Variants in DNAAF4 observed in about 807,000 individuals in gnomAD.
DNAAF4 encodes the protein dynein axonemal assembly factor 4.
A neutral mutation model predicts 51.8 loss-of-function variants in DNAAF4; 43 were observed. The ratio of observed to expected loss-of-function variants is 0.83; its 90% CI spans 0.65 to 1.07. The LOEUF (loss-of-function observed/expected upper bound fraction) is 1.07. DNAAF4 is among the 50% of genes least tolerant of loss of function. The pLI is 0.00. For synonymous variants in DNAAF4, 194 were observed against 165.6 expected (o/e 1.17, Z -1.32); for missense variants, 581 against 493.0 (o/e 1.18, Z -1.69).
intron 4 of DNAAF4, among the ~76,000 whole-genome samples, chr15:55,475,450 C>G (rs2058323268): frequency 6.6e-6 from 1 of 152,156 alleles, no homozygotes; most frequent in Admixed American, 6.6e-5. Context: ...AAAACCCCCT[C>G]CCAGCTAGGA....
At chr15:55,453,612 G>A (rs2057970984) in intron 5 of DNAAF4, among the ~76,000 whole-genome samples, 1 of 147,114 alleles carries the variant, frequency 6.8e-6, no homozygotes, top group Admixed American at 6.9e-5. Flanking sequence ...GTGTAGTGGC[G>A]CGATCTCGGC....
At chr15:55,440,203 C>T (rs1343657221) in intron 6 of DNAAF4, among the ~76,000 whole-genome samples, 3 of 151,550 alleles carry the variant, frequency 2.0e-5, no homozygotes, top group Non-Finnish European at 2.9e-5. Flanking sequence ...CAGGCGTGTG[C>T]CACCATGCCT....
chr15:55,465,553 A>G (rs990482131), intron 5 of DNAAF4, among the ~76,000 whole-genome samples: 1 of 149,554 alleles, frequency 6.7e-6, no homozygotes, highest in African/African-American at 2.5e-5. Flanking sequence ...ACCAAATACC[A>G]TATGTTCTCA....
At chr15:55,466,405 T>C (rs955083706) in intron 5 of DNAAF4, among the ~76,000 whole-genome samples, 1 of 152,090 alleles carries the variant, frequency 6.6e-6, no homozygotes, top group Non-Finnish European at 1.5e-5. Context: ...GCCTGGGCGA[T>C]AGGGCCAGAC....
chr15:55,470,226 A>G (rs1045093846), intron 4 of DNAAF4, among the ~76,000 whole-genome samples: 1 of 151,578 alleles, frequency 6.6e-6, no homozygotes, highest in Admixed American at 6.6e-5. Flanking sequence ...TAATTTTTGT[A>G]TTTTTAGTAG....
intron 5 of DNAAF4, among the ~76,000 whole-genome samples, chr15:55,464,568 A>C (rs140366749): frequency 2.8e-3 from 433 of 152,340 alleles, no homozygotes; most frequent in Non-Finnish European, 4.9e-3. Flanking sequence ...ACGAAGGACT[A>C]ATATCCACAA....
intron 5 of DNAAF4, among the ~76,000 whole-genome samples, chr15:55,463,177 C>CAA (rs1181700451): frequency 1.0e-4 from 13 of 130,092 alleles, no homozygotes; most frequent in South Asian, 8.9e-4. Flanking sequence ...CTGTCTCACA[C>CAA]ACACACACAC....
rs79964530 is a variant in DNAAF4 at position 55,498,911 on chromosome 15, C to CA, written c.-255-328dup. 0.17 allele frequency among the ~76,000 whole-genome samples: 17,257 copies of CA among 104,400 alleles called. 1,369 individuals are homozygous for CA. The highest frequency in any genetic ancestry group is 0.26 in the Admixed American group (2,523 of 9,546). 68.5% of individuals were successfully genotyped at this position (104,400 alleles called of 152,430 possible). On this transcript the variant is annotated intron_variant, in intron 1 of 9. Transcript: ENST00000321149. ...GGGAAACAAGAGCGAAACTCCGTCT[C>CA]AAAAAAAAAAAAAGAAAAGAAAAAG...
downstream of DNAAF4, among the ~76,000 whole-genome samples, chr15:55,427,697 G>A (rs951027918): frequency 8.7e-5 from 13 of 149,272 alleles, no homozygotes; most frequent in Non-Finnish European, 1.2e-4. Context: ...GTGCAATGGC[G>A]CCACCTCAGC....
At chr15:55,463,343 A>G (rs989300216) in intron 5 of DNAAF4, among the ~76,000 whole-genome samples, 3 of 152,198 alleles carry the variant, frequency 2.0e-5, no homozygotes, top group Non-Finnish European at 2.9e-5. Flanking sequence ...TAAACAGTGA[A>G]AAGTTGAAAG....
At chr15:55,474,934 G>A (rs113322388) in intron 4 of DNAAF4, among the ~76,000 whole-genome samples, 20,532 of 151,268 alleles carry the variant, frequency 0.14, 1,930 homozygotes, top group African/African-American at 0.27. Context: ...AGCCAAGATC[G>A]CGCCACTGCA....
intron 4 of DNAAF4, among the ~76,000 whole-genome samples, chr15:55,467,620 C>T (rs1405254122): frequency 6.6e-6 from 1 of 152,028 alleles, no homozygotes; most frequent in Non-Finnish European, 1.5e-5. Flanking sequence ...CCAAGTCTTA[C>T]CCTGTCAACC....
chr15:55,473,059 G>A (rs1389418977), intron 4 of DNAAF4, among the ~76,000 whole-genome samples: 3 of 151,094 alleles, frequency 2.0e-5, no homozygotes, highest in South Asian at 2.1e-4. Flanking sequence ...CCAGCTATTC[G>A]GGAGGCTGAG....
intron 5 of DNAAF4, among the ~76,000 whole-genome samples, chr15:55,452,244 TAAAAAAAA>T (rs57692277): frequency 3.7e-5 from 2 of 53,598 alleles, no homozygotes; most frequent in Admixed American, 3.5e-4. Context: ...CATGTCTCAC[TAAAAAAAA>T]AAAAAAAAAA....
At chr15:55,467,727 G>A (rs934404817) in intron 4 of DNAAF4, among the ~76,000 whole-genome samples, 31 of 152,194 alleles carry the variant, frequency 2.0e-4, no homozygotes, top group African/African-American at 7.2e-4. Flanking sequence ...TCTCTGCTGG[G>A]TGGAAATATT....
In DNAAF4 at chr15:55,430,746, T is replaced by A. The variant is rs1484209543; in HGVS notation, c.1187A>T (p.Asp396Val). 1 of 1,613,314 alleles carries A rather than the reference T, an allele frequency of 6.2e-7. No individual in the cohort carries two copies. Among genetic ancestry groups the A allele is most frequent in the Non-Finnish European group, 8.5e-7 (1 of 1,179,654 alleles). ...AATTTGTACAATTTTGTTGGATGGA[T>A]CAATCTTAAGTGCCGCTTCATAATC... is the stretch of plus-strand genomic sequence containing the variant. ...LQDYEAALKI[D>V]PSNKIVQIDA... Residue 396 changes from aspartate to valine, a missense_variant, in exon 10 of 10, where the codon GAT becomes GTT. By Grantham distance (152) the Asp-to-Val change is radical. Transcript: ENST00000321149.
intron 3 of DNAAF4, among the ~76,000 whole-genome samples, chr15:55,493,826 C>T (rs2058604409): frequency 6.6e-6 from 1 of 152,040 alleles, no homozygotes; most frequent in African/African-American, 2.4e-5. Flanking sequence ...ACCTCAGCCT[C>T]CCAAGTAGCT....
intron 4 of DNAAF4, among the ~76,000 whole-genome samples, chr15:55,483,701 C>A (rs184208403): frequency 6.6e-6 from 1 of 151,334 alleles, no homozygotes; most frequent in South Asian, 2.1e-4. Flanking sequence ...CCACCACACA[C>A]GGCTAATTTT....
At chr15:55,418,854 C>A in intron 7 of DNAAF4, 2 of 205,626 alleles carry the variant, frequency 9.7e-6, no homozygotes, top group Non-Finnish European at 1.9e-5. Flanking sequence ...CTTATCAAGA[C>A]AAAGGAACAC....
Sources: allele counts gnomAD v4.1 joint callset (sites outside exome capture counted in the v4.1 genomes callset), GRCh38; gene constraint gnomAD v4.1.1; transcripts MANE v1.5; gene names NCBI Gene and HGNC (gene_info 2026-07-23, HGNC 2026-07-21).